The following ADAMTS12 variants were observed in gnomAD, a reference collection of about 807,000 sequenced individuals.
The protein encoded by ADAMTS12 is ADAM metallopeptidase with thrombospondin type 1 motif 12, also known as A disintegrin and metalloproteinase with thrombospondin motifs 12.
ADAMTS12 carries 118 observed loss-of-function variants against 167.8 expected under a neutral mutation model. That is an observed-to-expected ratio of 0.70 (90% CI 0.61 to 0.82). The LOEUF (loss-of-function observed/expected upper bound fraction) is 0.82, where lower values mean the gene tolerates loss of function less well. Ranked by LOEUF, ADAMTS12 falls within the 40% of genes least tolerant of loss-of-function variation. The pLI is 0.00. For synonymous variants in ADAMTS12, 704 were observed against 716.9 expected (o/e 0.98, Z 0.29); for missense variants, 1,916 against 1,998.8 (o/e 0.96, Z 0.79).
chr5:33,735,728 A>G (rs948611700), intron 3 of ADAMTS12, among the ~76,000 whole-genome samples: 1 of 152,182 alleles, frequency 6.6e-6, no homozygotes, highest in Non-Finnish European at 1.5e-5. Flanking sequence ...AAGCTGCTGG[A>G]AAGGTCAATG....
chr5:33,772,697 G>C (rs544066185), intron 2 of ADAMTS12, among the ~76,000 whole-genome samples: 1 of 152,160 alleles, frequency 6.6e-6, no homozygotes, highest in East Asian at 1.9e-4. Flanking sequence ...GGGTTTCTAA[G>C]TTAAAGACAG....
At position 33,596,041 on chromosome 5, in the gene ADAMTS12, G is replaced by T; in HGVS notation, c.2547C>A (p.Ala849=). The T allele has an allele frequency of 2.5e-6, 4 of 1,613,994 alleles. No homozygotes were observed. The highest frequency in any genetic ancestry group is 3.4e-6 in the Non-Finnish European group (4 of 1,179,950). The part of the protein sequence containing the change: ...TCGTGIRRQT[A]HCIKKGRGMV... ...TCCCGCGGCCCTTCTTTATGCAATGGGCAGTTTGGCGGCGGATACCTGGGG... is the reference window on the plus strand; with the variant it reads ...TCCCGCGGCCCTTCTTTATGCAATGTGCAGTTTGGCGGCGGATACCTGGGG... Residue 849 remains alanine (A), a synonymous_variant, in exon 17 of 24, where the codon GCC becomes GCA. Coordinates refer to ENST00000504830, the MANE Select transcript of ADAMTS12 (RefSeq NM_030955.4).
At chr5:33,548,535 A>T (rs1375446024) in intron 21 of ADAMTS12, among the ~76,000 whole-genome samples, 1 of 152,084 alleles carries the variant, frequency 6.6e-6, no homozygotes, top group Non-Finnish European at 1.5e-5. Flanking sequence ...TCTTTCTATC[A>T]TTTGTGGATG....
intron 4 of ADAMTS12, 128 bp downstream of exon 4, chr5:33,683,731 A>G (rs1742217533): frequency 3.7e-6 from 2 of 535,132 alleles, no homozygotes; most frequent in Admixed American, 4.2e-5. Flanking sequence ...GGCAGGTACT[A>G]GATTCACATA....
chr5:33,875,395 T>C (rs907487154), intron 2 of ADAMTS12, among the ~76,000 whole-genome samples: 2 of 152,210 alleles, frequency 1.3e-5, no homozygotes, highest in African/African-American at 2.4e-5. Flanking sequence ...GTGGGGGATG[T>C]TGAAAATGGG....
rs565575745 is a variant in ADAMTS12 at position 33,864,734 on chromosome 5, C to G, written c.489+16385G>C. 7.2e-5 allele frequency among the ~76,000 whole-genome samples: 11 copies of G among 152,240 alleles called. No individual in the cohort carries two copies. In the East Asian group the frequency reaches 7.7e-4, roughly 11 times the overall value. On this transcript the variant is annotated intron_variant, in intron 2 of 23. Coordinates refer to ENST00000504830, the MANE Select transcript of ADAMTS12 (RefSeq NM_030955.4). ...AACCATCATTCTCAGCAAACTAACACAGGAACAGAAAACCAAACACCGCAT... is the reference window on the plus strand; with the variant it reads ...AACCATCATTCTCAGCAAACTAACAGAGGAACAGAAAACCAAACACCGCAT...
chr5:33,784,451 G>A (rs1746258675), intron 2 of ADAMTS12, among the ~76,000 whole-genome samples: 1 of 151,720 alleles, frequency 6.6e-6, no homozygotes, highest in Admixed American at 6.6e-5. Flanking sequence ...AAAATCCTAA[G>A]GAAACTTCAA....
chr5:33,723,652 A>G (rs1452016405), intron 3 of ADAMTS12, among the ~76,000 whole-genome samples: 3 of 152,206 alleles, frequency 2.0e-5, no homozygotes, highest in Non-Finnish European at 4.4e-5. Flanking sequence ...GAACAATAAA[A>G]GCAGCACAAC....
At chr5:33,864,498 A>G (rs1005075964) in intron 2 of ADAMTS12, among the ~76,000 whole-genome samples, 10 of 152,354 alleles carry the variant, frequency 6.6e-5, no homozygotes, top group African/African-American at 2.4e-4. Context: ...GTATATACCC[A>G]AAGGATTATA....
chr5:33,661,199 T>A (rs371636566), intron 6 of ADAMTS12, among the ~76,000 whole-genome samples: 25 of 152,216 alleles, frequency 1.6e-4, no homozygotes, highest in East Asian at 9.6e-4. Context: ...CCTTCTTTCA[T>A]CTAGATTAAA....
chr5:33,803,415 T>C (rs1747085791), intron 2 of ADAMTS12, among the ~76,000 whole-genome samples: 1 of 152,242 alleles, frequency 6.6e-6, no homozygotes, highest in Non-Finnish European at 1.5e-5. Context: ...TCAACTTCAC[T>C]GTTACATGCC....
chr5:33,881,078 G>A (rs1258586493), intron 2 of ADAMTS12, 41 bp downstream of exon 2: 3 of 1,593,010 alleles, frequency 1.9e-6, no homozygotes, highest in Non-Finnish European at 2.6e-6. Flanking sequence ...GAGACTCTAG[G>A]GGCCAGGGCA....
Position 33,630,853 on chromosome 5 carries a change from T to C in ADAMTS12, c.1949A>G (p.Asp650Gly). The stretch of plus-strand genomic sequence containing the variant: ...GCAAGGGGTACCATCAATGACAGCA[T>C]CCAGCATTTTCTCAGAAAACTGGCC... ...IDGQFSEKML[D>G]AVIDGTPCFE... The change falls in exon 13 of 24, where the codon GAT (aspartate) becomes GGT (glycine). Residue 650 changes from aspartate to glycine, a missense_variant. Asp to Gly is a moderately conservative substitution (Grantham distance 94). Transcript: ENST00000504830. 2 of 1,613,672 alleles carry C rather than the reference T, an allele frequency of 1.2e-6. No individual in the cohort carries two copies. Among genetic ancestry groups the C allele is most frequent in the Non-Finnish European group, 1.7e-6 (2 of 1,179,706 alleles).
chr5:33,652,865 C>T (rs1245231975), intron 7 of ADAMTS12, among the ~76,000 whole-genome samples: 1 of 152,104 alleles, frequency 6.6e-6, no homozygotes, highest in South Asian at 2.1e-4. Context: ...ATTTATTAAA[C>T]ATGGTGTCCT....
chr5:33,790,767 A>G (rs1341641340), intron 2 of ADAMTS12, among the ~76,000 whole-genome samples: 1 of 137,720 alleles, frequency 7.3e-6, no homozygotes, highest in Non-Finnish European at 1.5e-5. Context: ...TCAAACTTCT[A>G]GCTTGACATA....
chr5:33,813,126 G>A (rs115757562), intron 2 of ADAMTS12, among the ~76,000 whole-genome samples: 2,098 of 152,314 alleles, frequency 0.014, 55 homozygotes, highest in African/African-American at 0.048. Context: ...TGACTTGCTG[G>A]ATCACGCAAA....
chr5:33,830,533 A>C (rs962134691), intron 2 of ADAMTS12, among the ~76,000 whole-genome samples: 2 of 152,230 alleles, frequency 1.3e-5, no homozygotes, highest in Admixed American at 6.5e-5. Context: ...TCACGCCTGT[A>C]ATCCCAGCAC....
chr5:33,735,031 T>C (rs1038288851), intron 3 of ADAMTS12, among the ~76,000 whole-genome samples: 34 of 152,360 alleles, frequency 2.2e-4, no homozygotes, highest in African/African-American at 7.9e-4. Flanking sequence ...TAAAATGCTT[T>C]TTTAAATAAT....
chr5:33,854,714 GA>G (rs1358058450), intron 2 of ADAMTS12, among the ~76,000 whole-genome samples: 6 of 152,320 alleles, frequency 3.9e-5, no homozygotes, highest in African/African-American at 1.4e-4. Context: ...AAAAGGGAGG[GA>G]GGGGGAGAAA....
Sources: allele counts gnomAD v4.1 joint callset (sites outside exome capture counted in the v4.1 genomes callset), GRCh38; gene constraint gnomAD v4.1.1; transcripts MANE v1.5; gene names NCBI Gene and HGNC (gene_info 2026-07-23, HGNC 2026-07-21).